Variants in HELZ observed in about 807,000 individuals in gnomAD.
HELZ encodes the protein helicase with zinc finger, also known as ATP-dependent RNA helicase with zinc finger domain.
A neutral mutation model predicts 218.2 loss-of-function variants in HELZ; 23 were observed. The ratio of observed to expected loss-of-function variants is 0.11; its 90% confidence interval spans 0.08 to 0.15. The LOEUF is 0.15. Ranked by LOEUF, HELZ falls within the 10% of genes least tolerant of loss-of-function variation. The pLI is 1.00. For missense variants in HELZ, 1,813 were observed against 2,353.7 expected, an observed-to-expected ratio of 0.77 and a Z score of 4.75; for synonymous variants, 814 against 829.4, an observed-to-expected ratio of 0.98 and a Z score of 0.32.
At chr17:67,136,278 A>G in intron 22 of HELZ, 80 bp from the exon 23 acceptor site, 1 of 942,566 alleles carries the variant, frequency 1.1e-6, no homozygotes, top group Non-Finnish European at 1.6e-6. Flanking sequence ...GCATTTTTTA[A>G]AATGTTATTG....
intron 2 of HELZ, among the ~76,000 whole-genome samples, chr17:67,240,259 T>C (rs1361645096): frequency 6.6e-6 from 1 of 152,220 alleles, no homozygotes; most frequent in East Asian, 1.9e-4. Flanking sequence ...ATGCCTTTTC[T>C]GACTTCTCAC....
chr17:67,087,986 CTTT>C (rs929181392), intron 31 of HELZ, among the ~76,000 whole-genome samples: 9 of 152,146 alleles, frequency 5.9e-5, no homozygotes, highest in Non-Finnish European at 1.0e-4. Flanking sequence ...CAGGCTCTGA[CTTT>C]TATTGGCAGT....
Position 67,195,410 on chromosome 17 carries a change from G to A in HELZ, c.481+9C>T. 3 of 1,560,302 alleles carry A rather than the reference G, an allele frequency of 1.9e-6. No individual in the cohort carries two copies. The highest frequency in any genetic ancestry group is 2.7e-6 in the Non-Finnish European group (3 of 1,131,830). ...AGCTACCAGAAGTTACACAGCATTT[G>A]GCACTTACCCTCATCTAAGTCTTCC... On this transcript the variant is annotated intron_variant, in intron 8 of 32. Transcript: ENST00000358691.
At chr17:67,137,673 C>T (rs970622097) in intron 22 of HELZ, among the ~76,000 whole-genome samples, 3 of 152,162 alleles carry the variant, frequency 2.0e-5, no homozygotes, top group Non-Finnish European at 4.4e-5. Context: ...TAATTCACAG[C>T]ATACATATAC....
intron 31 of HELZ, among the ~76,000 whole-genome samples, chr17:67,101,358 T>A (rs923424893): frequency 3.3e-5 from 5 of 151,986 alleles, no homozygotes; most frequent in Non-Finnish European, 7.4e-5. Context: ...TCCTCCCCCA[T>A]CCACTCCATG....
chr17:67,094,107 A>G (rs977856797), intron 31 of HELZ, among the ~76,000 whole-genome samples: 12 of 152,166 alleles, frequency 7.9e-5, no homozygotes, highest in Non-Finnish European at 1.5e-4. Context: ...AGAGTGCTTA[A>G]GTTCAAGAGT....
At position 67,148,729 on chromosome 17, in the gene HELZ, C is replaced by A; in HGVS notation, c.2476-15G>T. The A allele has an allele frequency of 1.3e-6, 2 of 1,593,626 alleles. No homozygotes were observed. Among genetic ancestry groups the A allele is most frequent in the Admixed American group, 1.8e-5 (1 of 55,002 alleles). On this transcript the variant is annotated splice_polypyrimidine_tract_variant and intron_variant, in intron 19 of 32. Transcript: ENST00000358691. ...AAAGGACTGAGCTGTAACAGACAAA[C>A]ATACAGAGAAAGTTTAACTGAACAT...
intron 5 of HELZ, among the ~76,000 whole-genome samples, 159 bp from the exon 6 acceptor site, chr17:67,203,602 A>G (rs1231245800): frequency 2.6e-5 from 4 of 152,270 alleles, no homozygotes; most frequent in Non-Finnish European, 4.4e-5. Context: ...TTCTGTCCAA[A>G]ACAGGCATAT....
chr17:67,121,952 T>C lies in HELZ; in HGVS notation c.3630+1018A>G, dbSNP rs774746007. The stretch of plus-strand genomic sequence containing the variant: ...TAAAAAGATAAAATGAAAACATCAC[T>C]TTACAAAATGAGACCAATTCATTAG... On this transcript the variant is annotated intron_variant, in intron 26 of 32. Transcript: ENST00000358691. 6.9e-4 allele frequency among the ~76,000 whole-genome samples: 105 copies of C among 152,180 alleles called. 2 individuals carry two copies. Among genetic ancestry groups the C allele is most frequent in the Non-Finnish European group, 5.0e-4 (34 of 68,036 alleles).
rs545424446 is a variant in HELZ at position 67,127,718 on chromosome 17, C to T, written c.3387+933G>A. Among the ~76,000 whole-genome samples, 8 of 151,996 alleles carry T rather than the reference C, an allele frequency of 5.3e-5. No homozygotes were observed. The East Asian group carries it at 7.8e-4, about 15-fold the overall frequency. On this transcript the variant is annotated intron_variant, in intron 24 of 32. Coordinates refer to ENST00000358691, the MANE Select transcript of HELZ (RefSeq NM_014877.4). ...AAAAGTTAGCCAGGCGTGGTGGATG[C>T]GCCTATAGTCCCAGCTACTCCAGAG...
At chr17:67,116,275 T>C (rs139273055) in intron 27 of HELZ, among the ~76,000 whole-genome samples, 34 of 151,086 alleles carry the variant, frequency 2.3e-4, no homozygotes, top group Admixed American at 1.3e-3. Flanking sequence ...GAAAAATCAA[T>C]TGGACAAATT....
At chr17:67,167,828 T>G in intron 13 of HELZ, 32 bp from the exon 14 acceptor site, 1 of 1,379,748 alleles carries the variant, frequency 7.2e-7, no homozygotes, top group Non-Finnish European at 1.0e-6. Context: ...AGTTTGAATA[T>G]TTTACATCAA....
At chr17:67,082,234 G>A (rs1002787119) in intron 32 of HELZ, among the ~76,000 whole-genome samples, 1 of 152,200 alleles carries the variant, frequency 6.6e-6, no homozygotes, top group Non-Finnish European at 1.5e-5. Flanking sequence ...CAAATAGAAT[G>A]AACTCAGACA....
intron 32 of HELZ, among the ~76,000 whole-genome samples, chr17:67,085,000 G>C (rs2036321726): frequency 6.6e-6 from 1 of 152,206 alleles, no homozygotes; most frequent in Non-Finnish European, 1.5e-5. Context: ...CAGCTACTCG[G>C]GAGGCTGAGG....
At chr17:67,230,157 A>AT (rs1398873520) in intron 3 of HELZ, among the ~76,000 whole-genome samples, 1 of 152,112 alleles carries the variant, frequency 6.6e-6, no homozygotes, top group East Asian at 1.9e-4. Context: ...TTCCTGATCC[A>AT]TTTTTCAGGG....
At chr17:67,242,850 AAAG>A (rs1023541745) in intron 2 of HELZ, among the ~76,000 whole-genome samples, 3 of 152,052 alleles carry the variant, frequency 2.0e-5, no homozygotes, top group Non-Finnish European at 4.4e-5. Flanking sequence ...GAAAAAAAAA[AAAG>A]GATAGCTTAT....
chr17:67,116,510 C>T (rs1004681618), intron 27 of HELZ, among the ~76,000 whole-genome samples: 22 of 151,920 alleles, frequency 1.4e-4, no homozygotes, highest in Non-Finnish European at 2.8e-4. Context: ...CACACACACA[C>T]ACCATGCTAT....
intron 31 of HELZ, among the ~76,000 whole-genome samples, chr17:67,090,858 T>C (rs1237889547): frequency 6.6e-6 from 1 of 152,076 alleles, no homozygotes; most frequent in Non-Finnish European, 1.5e-5. Flanking sequence ...ATTGCTTTTC[T>C]GTTTTGAATT....
chr17:67,120,535 G>A lies in HELZ; in HGVS notation c.3708C>T (p.Asn1236=), dbSNP rs1188125268. ...IITHQAAMAY[N]MNLLQTHGRG... is the part of the protein sequence containing the mutation. ...GTCCATGTGTCTGTAATAGGTTCAT[G>A]TTATAGGCCATTGCTGCCTGATGTG... The change falls in exon 27 of 33, where the codon AAC becomes AAT. Residue 1236 remains asparagine, a synonymous_variant. Transcript: ENST00000358691. The A allele has an allele frequency of 3.7e-6, 6 of 1,613,584 alleles. No individual in the cohort carries two copies. The highest frequency in any genetic ancestry group is 3.4e-6 in the Non-Finnish European group (4 of 1,179,808).
Sources: gnomAD v4.1 joint callset for allele counts (sites outside exome capture counted in the v4.1 genomes callset) on GRCh38, gnomAD v4.1.1 for gene constraint, MANE v1.5 for transcripts, NCBI Gene and HGNC (gene_info 2026-07-23, HGNC 2026-07-21) for gene names.